PARG: variants seen among roughly 807,000 people sequenced by gnomAD.
PARG encodes the protein mitochondrial poly(ADP-ribose) glycohydrolase.
PARG carries 35 observed loss-of-function variants against 113.0 expected under a neutral mutation model. The ratio of observed to expected loss-of-function variants is 0.31; its 90% CI spans 0.24 to 0.41. The LOEUF (loss-of-function observed/expected upper bound fraction) is 0.41, where lower values mean the gene tolerates loss of function less well. Ranked by LOEUF, PARG falls within the 10% of genes least tolerant of loss-of-function variation. The pLI is 1.00. For missense variants in PARG, 797 were observed against 1,169.4 expected, an observed-to-expected ratio of 0.68 and a Z score of 4.64; for synonymous variants, 330 against 409.9, an observed-to-expected ratio of 0.81 and a Z score of 2.36.
In PARG at chr10:49,941,616, C is replaced by T. The variant is rs1397130075; in HGVS notation, c.110G>A (p.Arg37His). The T allele has an allele frequency of 1.9e-6, 3 of 1,587,316 alleles. No homozygotes were observed. Among genetic ancestry groups the T allele is most frequent in the African/African-American group, 2.7e-5 (2 of 74,134 alleles). Residue 37 changes from arginine (R) to histidine (H), a missense_variant, in exon 1 of 18, where the codon CGC becomes CAC. This residue lies in a region of PARG where 284 missense variants were observed against 306.1 expected (regional missense o/e 0.93). Coordinates refer to ENST00000616448, the MANE Select transcript of PARG (RefSeq NM_003631.5). The part of the protein sequence containing the change: ...DARSFPSRQR[R>H]VLDPKDAHVQ... ...GTGAGCGTCCTTGGGGTCGAGGACGCGCCTCTGCCTGCTGGGAAAGCTCCG... is the reference window on the plus strand; with the variant it reads ...GTGAGCGTCCTTGGGGTCGAGGACGTGCCTCTGCCTGCTGGGAAAGCTCCG...
chr10:49,897,600 T>G (rs1475221515), intron 7 of PARG, among the ~76,000 whole-genome samples: 5 of 152,244 alleles, frequency 3.3e-5, no homozygotes, highest in Non-Finnish European at 1.5e-5. Flanking sequence ...TGAATAGAGT[T>G]GATAAAACCA....
At chr10:49,831,972 C>T (rs1173023039) in intron 16 of PARG, among the ~76,000 whole-genome samples, 4 of 151,980 alleles carry the variant, frequency 2.6e-5, no homozygotes, top group East Asian at 3.9e-4. Context: ...TCTTAATAGG[C>T]GAGATCTGCG....
intron 6 of PARG, among the ~76,000 whole-genome samples, chr10:49,920,499 C>T (rs5013291): frequency 0.31 from 16,605 of 53,312 alleles, 3,360 homozygotes; most frequent in Non-Finnish European, 0.47. Flanking sequence ...TATATATATA[C>T]ACACACACAC....
intron 7 of PARG, among the ~76,000 whole-genome samples, chr10:49,890,455 G>A (rs1327838295): frequency 6.6e-6 from 1 of 152,114 alleles, no homozygotes; most frequent in Non-Finnish European, 1.5e-5. Context: ...ACAAATACCT[G>A]AGGAACTATT....
intron 16 of PARG, among the ~76,000 whole-genome samples, chr10:49,822,242 G>A (rs1388180023): frequency 2.0e-5 from 3 of 151,948 alleles, no homozygotes; most frequent in Non-Finnish European, 2.9e-5. Context: ...GTGTGTGTGT[G>A]TATGTGTGTG....
In PARG at chr10:49,843,849, T is replaced by A. The variant is rs189797925; in HGVS notation, c.2354-217A>T. 2.0e-5 allele frequency among the ~76,000 whole-genome samples: 3 copies of A among 152,278 alleles called. No individual in the cohort carries two copies. The East Asian group carries it at 5.8e-4, about 29-fold the overall frequency. On this transcript the variant is annotated intron_variant, in intron 13 of 17. Coordinates refer to ENST00000616448, the MANE Select transcript of PARG (RefSeq NM_003631.5). ...ATATCATGCTTGTTTACATAGCAAA[T>A]CCTAAGGAATCACTGAACTAAAGAG...
At chr10:49,927,546 C>T (rs1208551870) in intron 4 of PARG, among the ~76,000 whole-genome samples, 3 of 151,972 alleles carry the variant, frequency 2.0e-5, no homozygotes, top group Admixed American at 2.0e-4. Flanking sequence ...ACAACACTTA[C>T]TTGTCACATA....
At chr10:49,920,463 A>AAAATAT (rs1431747248) in intron 6 of PARG, among the ~76,000 whole-genome samples, 9 of 47,974 alleles carry the variant, frequency 1.9e-4, no homozygotes, top group East Asian at 4.9e-4. Flanking sequence ...AAAAAAAAAA[A>AAAATAT]ATATATATAT....
chr10:49,887,563 C>CT (rs1177038948), intron 7 of PARG, among the ~76,000 whole-genome samples: 4 of 152,126 alleles, frequency 2.6e-5, no homozygotes, highest in East Asian at 1.9e-4. Context: ...TTGAAATTGA[C>CT]TTTTTTTACA....
In PARG at chr10:49,819,261, C is replaced by T. The variant is rs887554107; in HGVS notation, c.*79G>A. On this transcript the variant is annotated 3_prime_UTR_variant, in exon 18 of 18. Transcript: ENST00000616448. ...TGTACACATTTATATTAACTTAAGT[C>T]AATTCATATATTACACCTGACAGCT... 2.3e-5 allele frequency: 26 copies of T among 1,141,628 alleles called. No individual in the cohort carries two copies. Among genetic ancestry groups the T allele is most frequent in the South Asian group, 9.3e-5 (6 of 64,734 alleles). The allele number at this position is 1,141,628 out of a possible 1,614,324, so 70.7% of individuals were successfully genotyped here. A position where few individuals can be genotyped will look rare whatever the true frequency, so the allele number is the denominator to read the frequency against.
intron 7 of PARG, among the ~76,000 whole-genome samples, chr10:49,911,692 C>T (rs1837192859): frequency 6.6e-6 from 1 of 152,226 alleles, no homozygotes; most frequent in Non-Finnish European, 1.5e-5. Flanking sequence ...TACTTCCATT[C>T]CAGTAGAGGT....
chr10:49,922,690 A>T (rs1837949526), intron 4 of PARG, 21 bp from the exon 5 acceptor site: 3 of 1,495,124 alleles, frequency 2.0e-6, no homozygotes, highest in Admixed American at 4.0e-5. Flanking sequence ...GGGTAAACAA[A>T]ATTGTCAGTG....
At chr10:49,847,552 T>C (rs1214078734) in intron 13 of PARG, among the ~76,000 whole-genome samples, 1 of 152,152 alleles carries the variant, frequency 6.6e-6, no homozygotes, top group Non-Finnish European at 1.5e-5. Context: ...GCCTATCCAC[T>C]TGAGAAATAT....
chr10:49,921,948 T>C (rs1554849400), intron 6 of PARG, among the ~76,000 whole-genome samples: 1 of 152,188 alleles, frequency 6.6e-6, no homozygotes, highest in Non-Finnish European at 1.5e-5. Context: ...ACTTTAATCA[T>C]TGGGAAACTC....
chr10:49,850,514 C>T (rs1336029320), intron 13 of PARG, among the ~76,000 whole-genome samples: 1 of 152,248 alleles, frequency 6.6e-6, no homozygotes, highest in Admixed American at 6.5e-5. Context: ...TCTATTTACT[C>T]GAGGGTGAAA....
At position 49,857,292 on chromosome 10, in the gene PARG, T is replaced by C. The variant is rs1311271993; in HGVS notation, c.2353+14A>G. The C allele has an allele frequency of 6.2e-6, 6 of 970,432 alleles. No individual in the cohort carries two copies. Among genetic ancestry groups the C allele is most frequent in the Non-Finnish European group, 9.7e-6 (6 of 620,922 alleles). 60.1% of individuals were successfully genotyped at this position (970,432 alleles called of 1,614,324 possible). ...GGGAAGACTACCCCATTTTCCAGGC[T>C]TCCCAAAACTAACCTGTGATAATTA... On this transcript the variant is annotated intron_variant, in intron 13 of 17. Coordinates refer to ENST00000616448, the MANE Select transcript of PARG (RefSeq NM_003631.5).
chr10:49,850,115 TTAA>T (rs1277949515), intron 13 of PARG, among the ~76,000 whole-genome samples: 2 of 139,116 alleles, frequency 1.4e-5, no homozygotes, highest in Non-Finnish European at 3.1e-5. Flanking sequence ...AACATAATAA[TTAA>T]TGAGCCAAAG....
chr10:49,936,332 G>C (rs1838734642), intron 1 of PARG, among the ~76,000 whole-genome samples: 1 of 152,128 alleles, frequency 6.6e-6, no homozygotes, highest in Non-Finnish European at 1.5e-5. Context: ...TAGAAATATG[G>C]AATACAAGAG....
intron 7 of PARG, chr10:49,909,865 C>A: frequency 6.0e-6 from 1 of 166,490 alleles, no homozygotes; most frequent in South Asian, 1.6e-4. Context: ...TGGCATGGTT[C>A]ATGCCAAATT....
Sources: allele counts gnomAD v4.1 joint callset (sites outside exome capture counted in the v4.1 genomes callset), GRCh38; gene constraint gnomAD v4.1.1; regional missense constraint gnomAD v4.1.1; transcripts MANE v1.5; gene names NCBI Gene and HGNC (gene_info 2026-07-23, HGNC 2026-07-21).